ALK: variants seen among roughly 807,000 people sequenced by gnomAD.
ALK encodes ALK tyrosine kinase receptor.
ALK carries 74 observed loss-of-function variants against 163.1 expected under a neutral mutation model. The ratio of observed to expected loss-of-function variants is 0.45; its 90% CI spans 0.38 to 0.55. The LOEUF is 0.55. Ranked by LOEUF, ALK falls within the 20% of genes least tolerant of loss-of-function variation. ALK has a pLI of 0.00. For synonymous variants in ALK, 960 were observed against 843.2 expected (o/e 1.14, Z -2.40); for missense variants, 2,063 against 2,105.3 (o/e 0.98, Z 0.39).
chr2:29,356,111 G>A (rs13427683), intron 5 of ALK, among the ~76,000 whole-genome samples: 8,396 of 152,212 alleles, frequency 0.055, 298 homozygotes, highest in African/African-American at 0.094. Context: ...TGGGAGCATG[G>A]GTGGAATCTG....
At chr2:29,907,317 C>T (rs894695671) in intron 1 of ALK, 5 of 152,180 alleles carry the variant, frequency 3.3e-5, no homozygotes, top group African/African-American at 1.2e-4. Flanking sequence ...CATGTTTCCT[C>T]CATGCTGCTG....
chr2:29,693,406 T>TAC (rs58588313), intron 3 of ALK, among the ~76,000 whole-genome samples: 52,300 of 145,018 alleles, frequency 0.36, 10,816 homozygotes, highest in South Asian at 0.57. Context: ...AGCACTCACC[T>TAC]ACACACACAC....
At chr2:29,591,477 C>CA (rs1195343444) in intron 3 of ALK, among the ~76,000 whole-genome samples, 1 of 152,152 alleles carries the variant, frequency 6.6e-6, no homozygotes. Context: ...GCCACCTCCC[C>CA]AGTCACACCC....
At chr2:29,603,800 T>C (rs578146249) in intron 3 of ALK, among the ~76,000 whole-genome samples, 2 of 152,288 alleles carry the variant, frequency 1.3e-5, no homozygotes, top group African/African-American at 4.8e-5. Flanking sequence ...TTTATCAGTT[T>C]GAGCTTATGA....
intron 28 of ALK, among the ~76,000 whole-genome samples, chr2:29,195,652 TTGAACCCGGGAGGTGGAGGCTGCAG>T (rs1205957758): frequency 6.6e-6 from 1 of 152,172 alleles, no homozygotes; most frequent in Non-Finnish European, 1.5e-5. Context: ...GGAGAATCGC[TTGAACCCGGGAGGTGGAGGCTGCAG>T]TGAGCCAAGA....
intron 1 of ALK, among the ~76,000 whole-genome samples, chr2:29,799,743 A>C (rs1664414900): frequency 6.6e-6 from 1 of 152,226 alleles, no homozygotes; most frequent in African/African-American, 2.4e-5. Context: ...AGAGTTGACA[A>C]ACAAAAATAA....
chr2:29,585,813 T>A (rs1165873020), intron 3 of ALK, among the ~76,000 whole-genome samples: 3 of 152,120 alleles, frequency 2.0e-5, no homozygotes, highest in Non-Finnish European at 4.4e-5. Flanking sequence ...TTATAAATAA[T>A]GTTGTATTAA....
chr2:29,278,662 TTAAA>T (rs1665606416), intron 9 of ALK, among the ~76,000 whole-genome samples: 1 of 152,206 alleles, frequency 6.6e-6, no homozygotes, highest in Admixed American at 6.5e-5. Flanking sequence ...TGCTGTCTTG[TTAAA>T]GCAGGTGCAA....
intron 1 of ALK, among the ~76,000 whole-genome samples, chr2:29,761,303 C>T (rs1240045801): frequency 6.6e-6 from 1 of 152,038 alleles, no homozygotes. Context: ...AGATGTGGGC[C>T]CAGTTGCCAG....
chr2:29,230,063 A>C (rs1053990742), intron 15 of ALK, among the ~76,000 whole-genome samples: 4 of 152,216 alleles, frequency 2.6e-5, no homozygotes, highest in African/African-American at 9.6e-5. Context: ...AGGACATTTG[A>C]ATAGACATCT....
chr2:29,802,703 T>C (rs1664515747), intron 1 of ALK, among the ~76,000 whole-genome samples: 1 of 151,920 alleles, frequency 6.6e-6, no homozygotes, highest in Non-Finnish European at 1.5e-5. Context: ...TCTGCCAATA[T>C]GATTTTTAGA....
chr2:29,408,003 T>C (rs1024171938), intron 4 of ALK, among the ~76,000 whole-genome samples: 1 of 151,882 alleles, frequency 6.6e-6, no homozygotes, highest in African/African-American at 2.4e-5. Flanking sequence ...TATCCCACCA[T>C]GATCAAAGGA....
intron 3 of ALK, among the ~76,000 whole-genome samples, chr2:29,632,620 G>A (rs1038796842): frequency 1.3e-5 from 2 of 152,174 alleles, no homozygotes; most frequent in African/African-American, 2.4e-5. Context: ...CCATCTGCAA[G>A]CCAGGAAGAG....
intron 5 of ALK, among the ~76,000 whole-genome samples, chr2:29,345,137 T>C (rs1266814501): frequency 6.6e-6 from 1 of 152,158 alleles, no homozygotes; most frequent in Non-Finnish European, 1.5e-5. Flanking sequence ...CTCACATCTG[T>C]AATCCCAGCA....
At chr2:29,875,137 A>C (rs1014197521) in intron 1 of ALK, among the ~76,000 whole-genome samples, 1 of 152,250 alleles carries the variant, frequency 6.6e-6, no homozygotes, top group African/African-American at 2.4e-5. Context: ...TAGATGAAAG[A>C]ACAAACAAAA....
At chr2:29,571,815 C>T (rs1417920027) in intron 3 of ALK, among the ~76,000 whole-genome samples, 2 of 151,898 alleles carry the variant, frequency 1.3e-5, no homozygotes, top group Non-Finnish European at 2.9e-5. Context: ...CGGGTTTCAC[C>T]ATATTGGCCA....
intron 11 of ALK, among the ~76,000 whole-genome samples, chr2:29,266,280 G>A (rs1450820594): frequency 2.0e-5 from 3 of 152,174 alleles, no homozygotes. Flanking sequence ...TTTACTGAAT[G>A]AGAGGACACA....
At position 29,919,974 on chromosome 2, in the gene ALK, T is replaced by C. The variant is rs2148442745; in HGVS notation, c.667+19A>G. 1 of 1,611,010 alleles carries C rather than the reference T, an allele frequency of 6.2e-7. No homozygotes were observed. On this transcript the variant is annotated intron_variant, in intron 1 of 28. Coordinates refer to ENST00000389048, the MANE Select transcript of ALK (RefSeq NM_004304.5). ...CTAAAAACACTAAATCCCGGCACAC[T>C]CAGGCGGGAGCTGCTCACCAGTCCC...
intron 26 of ALK, among the ~76,000 whole-genome samples, chr2:29,200,756 T>TAC (rs1669144028): frequency 9.3e-6 from 1 of 107,510 alleles, no homozygotes. Flanking sequence ...TATATACGTA[T>TAC]ATATGTATAT....
Sources: allele counts gnomAD v4.1 joint callset (sites outside exome capture counted in the v4.1 genomes callset), GRCh38; gene constraint gnomAD v4.1.1; transcripts MANE v1.5; gene names NCBI Gene and HGNC (gene_info 2026-07-23, HGNC 2026-07-21).